SLC1A6: variants seen among roughly 807,000 people sequenced by gnomAD.
SLC1A6 encodes excitatory amino acid transporter 4.
A neutral mutation model predicts 42.1 loss-of-function variants in SLC1A6; 15 were observed. That is an observed-to-expected ratio of 0.36 (90% CI 0.24 to 0.55). The LOEUF (loss-of-function observed/expected upper bound fraction) is 0.55. SLC1A6 is among the 20% of genes least tolerant of loss of function. The probability of loss-of-function intolerance (pLI) is 0.88; values close to 1 mark genes in which losing one functional copy is unlikely to be tolerated. For missense variants in SLC1A6, 542 were observed against 772.5 expected (o/e 0.70, Z 3.54); for synonymous variants, 317 against 319.7 (o/e 0.99, Z 0.09).
At position 14,959,419 on chromosome 19, in the gene SLC1A6, G is replaced by A. The variant is rs536049011; in HGVS notation, c.935+2583C>T. On this transcript the variant is annotated intron_variant, in intron 6 of 9. Coordinates refer to ENST00000594383, the MANE Select transcript of SLC1A6 (RefSeq NM_005071.3). The stretch of plus-strand genomic sequence containing the variant: ...CTTCTTCCCTCCTTTGTTCAGGTGT[G>A]CTCTTGCCATTGTTCCATCTGTGAT... 4.6e-5 allele frequency among the ~76,000 whole-genome samples: 7 copies of A among 152,324 alleles called. 1 individual carries two copies. In the East Asian group the frequency reaches 1.3e-3, roughly 29 times the overall value.
chr19:14,977,055 A>T (rs1002546189), intron 1 of SLC1A6: 9 of 115,308 alleles, frequency 7.8e-5, no homozygotes, highest in Middle Eastern at 8.6e-3. Context: ...AAAAAAAAAA[A>T]AATCCCAAAG....
At chr19:14,969,060 G>A (rs2045607553) in intron 3 of SLC1A6, among the ~76,000 whole-genome samples, 1 of 151,866 alleles carries the variant, frequency 6.6e-6, no homozygotes, top group Non-Finnish European at 1.5e-5. Flanking sequence ...GGCTGGTCTC[G>A]AACTCCTGAA....
intron 1 of SLC1A6, among the ~76,000 whole-genome samples, chr19:14,994,276 T>A (rs2145234723): frequency 6.6e-6 from 1 of 152,066 alleles, no homozygotes; most frequent in Non-Finnish European, 1.5e-5. Flanking sequence ...GGCCAGAGTA[T>A]TTATTTCCTG....
intron 2 of SLC1A6, among the ~76,000 whole-genome samples, chr19:14,972,415 ATG>A (rs74362539): frequency 0.13 from 18,777 of 145,706 alleles, 1,306 homozygotes; most frequent in African/African-American, 0.21. Context: ...ATGCACGCAT[ATG>A]TGTGTGTGCA....
Position 14,950,129 on chromosome 19 carries a change from G to A in SLC1A6, c.*66C>T, listed in dbSNP as rs2045396499. ...GCCCACGGTCAGTTGGGCAACAGAT[G>A]TGTCACCAGGACTCCCCTCCCCAGC... On this transcript the variant is annotated 3_prime_UTR_variant, in exon 10 of 10. Transcript: ENST00000594383. 5 of 1,208,432 alleles carry A rather than the reference G, an allele frequency of 4.1e-6. No homozygotes were observed. Among genetic ancestry groups the A allele is most frequent in the Non-Finnish European group, 5.6e-6 (5 of 895,690 alleles). 74.9% of individuals were successfully genotyped at this position (1,208,432 alleles called of 1,614,324 possible).
At chr19:14,951,143 T>G (rs1485807716) in intron 9 of SLC1A6, among the ~76,000 whole-genome samples, 1 of 139,580 alleles carries the variant, frequency 7.2e-6, no homozygotes, top group African/African-American at 2.7e-5. Flanking sequence ...TCCCAGCTAC[T>G]CGGGAGGCTG....
intron 1 of SLC1A6, among the ~76,000 whole-genome samples, chr19:14,993,955 G>T (rs1050636401): frequency 2.6e-5 from 4 of 152,154 alleles, no homozygotes; most frequent in Admixed American, 2.6e-4. Flanking sequence ...ATGCTTGGGT[G>T]CAGGCGGGCT....
intron 9 of SLC1A6, among the ~76,000 whole-genome samples, chr19:14,951,273 A>AAAAAAAAAAGAAAG (rs2045410503): frequency 1.0e-5 from 1 of 99,774 alleles, no homozygotes; most frequent in Non-Finnish European, 2.0e-5. Flanking sequence ...AAAAAAAAAA[A>AAAAAAAAAAGAAAG]AAAAAGAAAG....
In SLC1A6 at chr19:14,968,326, A is replaced by G; in HGVS notation, c.525T>C (p.Ala175=). 1.2e-6 allele frequency: 2 copies of G among 1,613,544 alleles called. No individual in the cohort carries two copies. The highest frequency in any genetic ancestry group is 1.7e-6 in the Non-Finnish European group (2 of 1,179,792). The change falls in exon 4 of 10, where the codon GCT becomes GCC. Residue 175 remains alanine, a synonymous_variant. Transcript: ENST00000594383. ...REGRIETIPT[A]DAFMDLIRNM... The stretch of plus-strand genomic sequence containing the variant: ...ACCTGATCAGGTCCATGAAGGCATC[A>G]GCTGTGGGGATGGTCTCGATCCGGC...
At chr19:14,983,819 T>C (rs571855271), upstream of SLC1A6, among the ~76,000 whole-genome samples, 1 of 151,136 alleles carries the variant, frequency 6.6e-6, no homozygotes, top group African/African-American at 2.4e-5. Context: ...CAGACATAAC[T>C]TCTAGTACTG....
chr19:15,003,267 C>T lies in SLC1A6; in HGVS notation c.6+7218G>A, dbSNP rs568066103. ...TGCTGGGATTACAGGCATAAGCCAC[C>T]GTGCCTGGCCTGCCTGAGTCATTTT... On this transcript the variant is annotated intron_variant, in intron 1 of 8. Transcript: ENST00000430939. 3.3e-5 allele frequency among the ~76,000 whole-genome samples: 5 copies of T among 152,260 alleles called. No homozygotes were observed. The East Asian group carries it at 5.8e-4, about 18-fold the overall frequency.
intron 1 of SLC1A6, among the ~76,000 whole-genome samples, chr19:15,008,972 G>C (rs1315878287): frequency 6.6e-5 from 10 of 151,252 alleles, no homozygotes. Context: ...CTTCAGCCTG[G>C]GAAATTGGAG....
At chr19:14,994,502 A>C (rs967719475) in intron 1 of SLC1A6, among the ~76,000 whole-genome samples, 1 of 151,926 alleles carries the variant, frequency 6.6e-6, no homozygotes, top group African/African-American at 2.4e-5. Context: ...ACCTTGACCC[A>C]ACTCCCCTCA....
chr19:14,984,733 T>G (rs2045784868), upstream of SLC1A6, among the ~76,000 whole-genome samples: 1 of 152,272 alleles, frequency 6.6e-6, no homozygotes, highest in African/African-American at 2.4e-5. Context: ...ACAGATCTGC[T>G]ACATATTAAC....
At position 14,972,872 on chromosome 19, in the gene SLC1A6, G is replaced by T. The variant is rs772018990; in HGVS notation, c.39C>A (p.Ser13Arg). The T allele has an allele frequency of 1.9e-6, 3 of 1,602,346 alleles. No homozygotes were observed. Among genetic ancestry groups the T allele is most frequent in the Admixed American group, 1.7e-5 (1 of 58,030 alleles). The change falls in exon 2 of 10, where the codon AGC (serine) becomes AGA (arginine). Residue 13 changes from serine (S) to arginine (R), a missense_variant. Around this residue, in one of 6 missense-constraint regions of SLC1A6, gnomAD observed 88 missense variants for 85.5 expected, o/e 1.03. Transcript: ENST00000594383. ...AGCCCACCCGGCCCAGCCGCTGGCC[G>T]CTCTCCCGCAGGAACAGGCTGTTGC... is the stretch of plus-strand genomic sequence containing the variant. ...SHGNSLFLRESGQRLGRVGWL... is the reference protein window; with the variant it reads ...SHGNSLFLRERGQRLGRVGWL...
intron 1 of SLC1A6, among the ~76,000 whole-genome samples, chr19:14,995,794 G>C (rs2045843267): frequency 6.6e-6 from 1 of 152,116 alleles, no homozygotes; most frequent in South Asian, 2.1e-4. Flanking sequence ...CATTAAAAAA[G>C]TAAAGTATAG....
chr19:14,994,480 AC>A (rs1204659891), intron 1 of SLC1A6, among the ~76,000 whole-genome samples: 1 of 151,526 alleles, frequency 6.6e-6, no homozygotes, highest in Non-Finnish European at 1.5e-5. Context: ...TGGTTTCTTT[AC>A]CCCCTACCAC....
rs578200761 is a variant in SLC1A6 at position 14,958,523 on chromosome 19, T to G, written c.936-1814A>C. ...CAATAGCTTGAGTCAAAAATGAGGA[T>G]GCACGGGGCTTCTCCAGTCACATCT... On this transcript the variant is annotated intron_variant, in intron 6 of 9. Transcript: ENST00000594383. Among the ~76,000 whole-genome samples the G allele has an allele frequency of 3.8e-4, 58 of 152,070 alleles. 1 individual carries two copies. Among genetic ancestry groups the G allele is most frequent in the Non-Finnish European group, 6.8e-4 (46 of 68,006 alleles).
At chr19:14,954,625 C>T (rs1024114341) in intron 7 of SLC1A6, among the ~76,000 whole-genome samples, 1 of 151,852 alleles carries the variant, frequency 6.6e-6, no homozygotes, top group Non-Finnish European at 1.5e-5. Context: ...AGGGCATGGG[C>T]TGGGCGTGGC....
Sources: gnomAD v4.1 joint callset for allele counts (sites outside exome capture counted in the v4.1 genomes callset) on GRCh38, gnomAD v4.1.1 for gene constraint, gnomAD v4.1.1 regional missense constraint, MANE v1.5 for transcripts, NCBI Gene and HGNC (gene_info 2026-07-23, HGNC 2026-07-21) for gene names.